The following LRBA variants were observed in gnomAD, a reference collection of about 807,000 sequenced individuals.
The protein encoded by LRBA is LPS responsive beige-like anchor protein, also known as lipopolysaccharide-responsive and beige-like anchor protein.
Under a neutral mutation model 330.0 loss-of-function variants are expected in LRBA, and 176 were observed. The ratio of observed to expected loss-of-function variants is 0.53; its 90% CI spans 0.47 to 0.60. The LOEUF (loss-of-function observed/expected upper bound fraction) is 0.60. Ranked by LOEUF, LRBA falls within the 20% of genes least tolerant of loss-of-function variation. The pLI is 0.00. For missense variants in LRBA, 3,259 were observed against 3,444.8 expected, an observed-to-expected ratio of 0.95 and a Z score of 1.35; for synonymous variants, 1,230 against 1,193.0, an observed-to-expected ratio of 1.03 and a Z score of -0.64.
At chr4:150,701,524 C>T (rs1394075161) in intron 36 of LRBA, among the ~76,000 whole-genome samples, 1 of 152,124 alleles carries the variant, frequency 6.6e-6, no homozygotes, top group African/African-American at 2.4e-5. Context: ...TGTCAGTAGG[C>T]AACAGGAGTT....
At chr4:150,766,666 T>C (rs1248571970) in intron 34 of LRBA, among the ~76,000 whole-genome samples, 2 of 152,188 alleles carry the variant, frequency 1.3e-5, no homozygotes, top group East Asian at 1.9e-4. Context: ...TCGTCTTTCA[T>C]GATCGTTTCA....
intron 52 of LRBA, among the ~76,000 whole-genome samples, chr4:150,309,052 T>C (rs1304797788): frequency 1.3e-5 from 2 of 152,216 alleles, no homozygotes; most frequent in Non-Finnish European, 2.9e-5. Context: ...CTTCCAGTCC[T>C]GCAAGCTTCA....
At position 150,657,523 on chromosome 4, in the gene LRBA, A is replaced by G. The variant is rs1192276150; in HGVS notation, c.5921+26028T>C. 3.3e-5 allele frequency among the ~76,000 whole-genome samples: 5 copies of G among 152,142 alleles called. No individual in the cohort carries two copies. In the East Asian group the frequency reaches 7.7e-4, roughly 23 times the overall value. On this transcript the variant is annotated intron_variant, in intron 37 of 56. Transcript: ENST00000651943. Reference sequence around the variant, plus strand: ...TCCATAGAAACATGGGTTAAAAAACAAATTTTTTATCCTTTCAAAATTTCT... The same window carrying G: ...TCCATAGAAACATGGGTTAAAAAACGAATTTTTTATCCTTTCAAAATTTCT...
intron 38 of LRBA, among the ~76,000 whole-genome samples, chr4:150,598,385 G>A (rs1332767020): frequency 6.6e-6 from 1 of 152,008 alleles, no homozygotes; most frequent in Non-Finnish European, 1.5e-5. Context: ...TACCTAAACT[G>A]AATCATAGTC....
At chr4:150,994,398 G>A (rs1742419362) in intron 2 of LRBA, among the ~76,000 whole-genome samples, 1 of 152,152 alleles carries the variant, frequency 6.6e-6, no homozygotes, top group Non-Finnish European at 1.5e-5. Context: ...AATTAAAAGA[G>A]GGAACCTAAA....
At chr4:150,679,354 T>C (rs1782850433) in intron 37 of LRBA, among the ~76,000 whole-genome samples, 1 of 152,228 alleles carries the variant, frequency 6.6e-6, no homozygotes, top group Admixed American at 6.5e-5. Flanking sequence ...GATAAAATAG[T>C]AATGCTAATA....
intron 46 of LRBA, among the ~76,000 whole-genome samples, chr4:150,420,386 AGT>A (rs1748528894): frequency 1.5e-5 from 2 of 130,550 alleles, no homozygotes; most frequent in South Asian, 2.3e-4. Flanking sequence ...TACACATTAT[AGT>A]ATATATAAAG....
At chr4:150,440,105 A>G (rs1194972615) in intron 44 of LRBA, among the ~76,000 whole-genome samples, 2 of 152,198 alleles carry the variant, frequency 1.3e-5, no homozygotes, top group East Asian at 1.9e-4. Flanking sequence ...ATCATCCTAC[A>G]TAGAGCTTAC....
intron 27 of LRBA, 62 bp downstream of exon 27, chr4:150,844,593 AAAT>A: frequency 7.0e-7 from 1 of 1,428,302 alleles, no homozygotes; most frequent in Non-Finnish European, 9.6e-7. Flanking sequence ...TGAAATGAAC[AAAT>A]AAAAATCTTA....
chr4:150,721,692 G>A (rs1728957302), intron 36 of LRBA, among the ~76,000 whole-genome samples: 1 of 152,132 alleles, frequency 6.6e-6, no homozygotes, highest in African/African-American at 2.4e-5. Context: ...TTGGCTCACT[G>A]CAGCCTCTGC....
intron 47 of LRBA, among the ~76,000 whole-genome samples, chr4:150,388,594 T>C (rs1223060035): frequency 3.3e-5 from 5 of 152,200 alleles, no homozygotes; most frequent in Non-Finnish European, 5.9e-5. Flanking sequence ...GGGGCAGATA[T>C]AGGATAGACA....
chr4:150,354,512 T>C (rs748897056), intron 47 of LRBA, among the ~76,000 whole-genome samples: 1 of 141,054 alleles, frequency 7.1e-6, no homozygotes, highest in African/African-American at 2.7e-5. Context: ...TGAGTAATAT[T>C]TGTAAAAAAG....
chr4:150,559,885 T>A (rs1581676476), intron 40 of LRBA, among the ~76,000 whole-genome samples: 3 of 40,088 alleles, frequency 7.5e-5, no homozygotes, highest in African/African-American at 1.8e-4. Flanking sequence ...TTATATATAA[T>A]TATATATAAT....
chr4:150,346,757 C>CCAA (rs1206950764), intron 48 of LRBA, among the ~76,000 whole-genome samples: 3 of 66,136 alleles, frequency 4.5e-5, no homozygotes, highest in African/African-American at 2.3e-4. Flanking sequence ...GACTCTGTCT[C>CCAA]AAAAAAAAAA....
intron 4 of LRBA, among the ~76,000 whole-genome samples, chr4:150,927,375 A>G (rs1017869763): frequency 6.6e-6 from 1 of 150,776 alleles, no homozygotes; most frequent in Non-Finnish European, 1.5e-5. Flanking sequence ...TCTGCCTTAA[A>G]AAAAAAAAAA....
chr4:150,976,776 C>T (rs183964044), intron 2 of LRBA, among the ~76,000 whole-genome samples: 1 of 152,308 alleles, frequency 6.6e-6, no homozygotes, highest in Non-Finnish European at 1.5e-5. Context: ...CCAAAAGCAG[C>T]TGTGTGTCAT....
At chr4:150,542,205 G>A (rs1456387974) in intron 40 of LRBA, among the ~76,000 whole-genome samples, 1 of 152,064 alleles carries the variant, frequency 6.6e-6, no homozygotes. Context: ...CCTATCCTCT[G>A]GTTTCCTGCA....
At chr4:150,396,480 T>TCTCA (rs1554016741) in intron 47 of LRBA, among the ~76,000 whole-genome samples, 1 of 145,774 alleles carries the variant, frequency 6.9e-6, no homozygotes, top group Non-Finnish European at 1.5e-5. Context: ...AAATCTCATC[T>TCTCA]CACACACACA....
At chr4:150,817,589 G>T (rs1744789660) in intron 30 of LRBA, among the ~76,000 whole-genome samples, 1 of 150,412 alleles carries the variant, frequency 6.6e-6, no homozygotes, top group Non-Finnish European at 1.5e-5. Context: ...GTTTCCACAA[G>T]AATTGTAAAG....
Sources: gnomAD v4.1 joint callset for allele counts (sites outside exome capture counted in the v4.1 genomes callset) on GRCh38, gnomAD v4.1.1 for gene constraint, MANE v1.5 for transcripts, NCBI Gene and HGNC (gene_info 2026-07-23, HGNC 2026-07-21) for gene names.